CCL23: variants seen among roughly 807,000 people sequenced by gnomAD.
CCL23 encodes the protein C-C motif chemokine 23.
A neutral mutation model predicts 11.8 loss-of-function variants in CCL23; 10 were observed. The observed-to-expected ratio is 0.84, with a 90% CI of 0.52 to 1.43. CCL23 has a LOEUF of 1.43. CCL23 is among the 40% of genes most tolerant of loss of function. The pLI is 0.00. For missense variants in CCL23, 181 were observed against 170.9 expected, an observed-to-expected ratio of 1.06 and a Z score of -0.33; for synonymous variants, 60 against 61.0, an observed-to-expected ratio of 0.98 and a Z score of 0.07.
chr17:36,016,225 T>G (rs1360809211), intron 1 of CCL23, among the ~76,000 whole-genome samples: 1 of 152,144 alleles, frequency 6.6e-6, no homozygotes, highest in Non-Finnish European at 1.5e-5. Flanking sequence ...GTTCATTACA[T>G]AGGTATACAT....
Position 36,013,786 on chromosome 17 carries a change from C to CT in CCL23, c.259dup (p.Ser87LysfsTer4). ...GCACTCGCTGTTCGTTTCAAAGTAA[C>CT]TCTCCAGGAGTGAACACGGGATGCT... is the stretch of plus-strand genomic sequence containing the variant. On this transcript the variant is annotated frameshift_variant, in exon 3 of 4. Transcript: ENST00000615050. LOFTEE classifies it low-confidence loss of function (END_TRUNC). 1 of 1,614,220 alleles carries CT rather than the reference C, an allele frequency of 6.2e-7. No individual in the cohort carries two copies. The highest frequency in any genetic ancestry group is 8.5e-7 in the Non-Finnish European group (1 of 1,180,044).
chr17:36,017,953 C>T lies in CCL23; in HGVS notation c.-56G>A, dbSNP rs2090110272. 4 of 1,596,006 alleles carry T rather than the reference C, an allele frequency of 2.5e-6. No homozygotes were observed. Among genetic ancestry groups the T allele is most frequent in the Non-Finnish European group, 3.4e-6 (4 of 1,168,862 alleles). On this transcript the variant is annotated 5_prime_UTR_variant, in exon 1 of 4. Transcript: ENST00000615050. ...GACTCCTGGGCTCACTGCTTCCTGG[C>T]TTCTCGGGATGCCAGTTCTGCCCTT...
At chr17:36,017,324 G>C (rs1203662755) in intron 1 of CCL23, among the ~76,000 whole-genome samples, 6 of 152,196 alleles carry the variant, frequency 3.9e-5, no homozygotes, top group Non-Finnish European at 8.8e-5. Context: ...ACTTAGAACA[G>C]TGCCTGCCCT....
Position 36,013,256 on chromosome 17 carries a change from C to A in CCL23, c.355G>T (p.Val119Phe). 1 of 1,613,972 alleles carries A rather than the reference C, an allele frequency of 6.2e-7. No individual in the cohort carries two copies. The highest frequency in any genetic ancestry group is 1.7e-5 in the Admixed American group (1 of 59,994). The part of the protein sequence containing the change: ...RFCANPSDKQ[V>F]QVCMRMLKLD... ...TTCAGCATTCTCATGCAAACCTGAACTTGCTTATCACTGGGGTTGGCACAG... is the reference window on the plus strand; with the variant it reads ...TTCAGCATTCTCATGCAAACCTGAAATTGCTTATCACTGGGGTTGGCACAG... The change falls in exon 4 of 4, where the codon GTT becomes TTT. Residue 119 changes from valine (V) to phenylalanine (F), a missense_variant. By Grantham distance (50) the Val-to-Phe change is conservative (BLOSUM62 -1). Transcript: ENST00000615050.
rs2142023654 is a variant in CCL23, at chr17:36,013,152, A to G, written c.*45T>C. Reference sequence around the variant, plus strand: ...ATAATTCAGGAAGGTAGTTGAGGCAAGAAAGTTGGTGGCTGGCAACTTGTG... The same window carrying G: ...ATAATTCAGGAAGGTAGTTGAGGCAGGAAAGTTGGTGGCTGGCAACTTGTG... On this transcript the variant is annotated 3_prime_UTR_variant, in exon 4 of 4. Transcript: ENST00000615050. 1 of 1,160,736 alleles carries G rather than the reference A, an allele frequency of 8.6e-7. No individual in the cohort carries two copies. The highest frequency in any genetic ancestry group is 2.3e-5 in the East Asian group (1 of 42,878). 71.9% of individuals were successfully genotyped at this position (1,160,736 alleles called of 1,614,324 possible). A position where few individuals can be genotyped will look rare whatever the true frequency, so the allele number is the denominator to read the frequency against.
At chr17:36,016,607 T>C (rs542586337) in intron 1 of CCL23, among the ~76,000 whole-genome samples, 2 of 152,070 alleles carry the variant, frequency 1.3e-5, no homozygotes, top group African/African-American at 2.4e-5. Context: ...AAGTCTTTGC[T>C]ATTGTGATTA....
intron 1 of CCL23, among the ~76,000 whole-genome samples, chr17:36,014,951 C>T (rs1429348554): frequency 3.3e-5 from 4 of 121,462 alleles, no homozygotes; most frequent in Non-Finnish European, 4.6e-5. Context: ...ATTTTTAAAT[C>T]GTGGTTATAT....
chr17:36,016,787 T>C (rs1430280455), intron 1 of CCL23, among the ~76,000 whole-genome samples: 2 of 149,930 alleles, frequency 1.3e-5, no homozygotes, highest in African/African-American at 4.9e-5. Flanking sequence ...TTAATGACTA[T>C]GCATTTAATA....
chr17:36,017,908 G>A lies in CCL23; in HGVS notation c.-11C>T. On this transcript the variant is annotated 5_prime_UTR_variant, in exon 1 of 4. Coordinates refer to ENST00000615050, the MANE Select transcript of CCL23 (RefSeq NM_005064.6). ...CACGGAGACCTTCATCCTCCTGGTG[G>A]GCAGGCAGGGCTGGCCGAGGACTCC... 2.5e-6 allele frequency: 4 copies of A among 1,613,218 alleles called. No individual in the cohort carries two copies. Among genetic ancestry groups the A allele is most frequent in the Non-Finnish European group, 3.4e-6 (4 of 1,179,954 alleles).
chr17:36,014,384 G>C lies in CCL23; in HGVS notation c.86C>G (p.Thr29Arg). ...SQARVTKDAE[T>R]EFMMSKLPLE... ...TGGAAGCTTTGACATCATGAACTCT[G>C]TCTCTGCATCTGGAAGAAGCAGACA... is the stretch of plus-strand genomic sequence containing the variant. The change falls in exon 2 of 4, where the codon ACA becomes AGA. Residue 29 changes from threonine (T) to arginine (R), a missense_variant. Coordinates refer to ENST00000615050, the MANE Select transcript of CCL23 (RefSeq NM_005064.6). The C allele has an allele frequency of 6.2e-7, 1 of 1,613,240 alleles. No homozygotes were observed.
At position 36,014,434 on chromosome 17, in the gene CCL23, G is replaced by A. The variant is rs199797998; in HGVS notation, c.77-41C>T. ...AGGACAGGGAAGGAAATCACTGGGC[G>A]GCAGCATTGTTTCAGCATCTCCACC... is the stretch of plus-strand genomic sequence containing the variant. On this transcript the variant is annotated intron_variant, in intron 1 of 3. Coordinates refer to ENST00000615050, the MANE Select transcript of CCL23 (RefSeq NM_005064.6). The A allele has an allele frequency of 1.4e-4, 214 of 1,531,692 alleles. 1 individual carries two copies. The East Asian group carries it at 3.1e-3, about 22-fold the overall frequency. 94.9% of individuals were successfully genotyped at this position (1,531,692 alleles called of 1,614,324 possible).
At chr17:36,013,353 G>T in intron 3 of CCL23, 45 bp from the exon 4 acceptor site, 1 of 1,288,020 alleles carries the variant, frequency 7.8e-7, no homozygotes, top group Non-Finnish European at 1.1e-6. Context: ...GGTGTGTCCA[G>T]CACATGGGGA....
In CCL23 at chr17:36,013,729, G is replaced by A; in HGVS notation, c.302+15C>T. ...CCTTCTCCCTCAACACATGTTTGGT[G>A]AGCTTGGCACCTACATGACACCCGG... is the stretch of plus-strand genomic sequence containing the variant. On this transcript the variant is annotated intron_variant, in intron 3 of 3. Transcript: ENST00000615050. 2 of 1,613,798 alleles carry A rather than the reference G, an allele frequency of 1.2e-6. No individual in the cohort carries two copies. Among genetic ancestry groups the A allele is most frequent in the Non-Finnish European group, 1.7e-6 (2 of 1,179,830 alleles).
At chr17:36,017,788 C>T (rs1023456825) in intron 1 of CCL23, 34 bp downstream of exon 1, 2 of 1,600,260 alleles carry the variant, frequency 1.2e-6, no homozygotes, top group Non-Finnish European at 1.7e-6. Flanking sequence ...TTACCATGAA[C>T]CTGGTCATCT....
intron 1 of CCL23, among the ~76,000 whole-genome samples, chr17:36,015,801 C>T (rs1422514489): frequency 6.6e-6 from 1 of 152,066 alleles, no homozygotes; most frequent in Non-Finnish European, 1.5e-5. Flanking sequence ...CTTTGGGAGG[C>T]CAAGGCGGGC....
Position 36,014,535 on chromosome 17 carries a change from G to T in CCL23, c.77-142C>A, listed in dbSNP as rs528326024. The T allele has an allele frequency of 1.2e-5, 8 of 680,640 alleles. No individual in the cohort carries two copies. In the African/African-American group the frequency reaches 1.2e-4, roughly 11 times the overall value. The allele number at this position is 680,640 out of a possible 1,614,324, so 42.2% of individuals were successfully genotyped here. On this transcript the variant is annotated intron_variant, in intron 1 of 3. Transcript: ENST00000615050. ...CCACCACCACCTGTCTGGGCTCTAG[G>T]CCTGACTCCTGGCCCATTTATTCCT...
intron 3 of CCL23, chr17:36,013,522 T>G: frequency 1.6e-6 from 1 of 619,018 alleles, no homozygotes; most frequent in East Asian, 2.7e-5. Context: ...GGGAGCATCC[T>G]TGGGCAGACT....
At chr17:36,013,977 C>A (rs1035432146) in intron 2 of CCL23, 68 bp from the exon 3 acceptor site, 48 of 1,465,364 alleles carry the variant, frequency 3.3e-5, no homozygotes, top group Middle Eastern at 1.8e-4. Flanking sequence ...CACTTGCTGG[C>A]ATCTCCCTGC....
intron 1 of CCL23, 143 bp downstream of exon 1, chr17:36,017,679 G>A: frequency 1.3e-6 from 1 of 761,730 alleles, no homozygotes; most frequent in Non-Finnish European, 2.2e-6. Context: ...GACAGAACCA[G>A]GTCTATACTC....
Sources: allele counts gnomAD v4.1 joint callset (sites outside exome capture counted in the v4.1 genomes callset), GRCh38; gene constraint gnomAD v4.1.1; transcripts MANE v1.5; gene names NCBI Gene and HGNC (gene_info 2026-07-23, HGNC 2026-07-21).